ZNF385D: variants seen among roughly 807,000 people sequenced by gnomAD.
ZNF385D encodes zinc finger protein 659.
In ZNF385D, 15 loss-of-function variants were observed where a neutral mutation model predicts 35.8. The observed-to-expected ratio is 0.42, with a 90% CI of 0.28 to 0.64. The LOEUF (loss-of-function observed/expected upper bound fraction) is 0.64. Among genes scored for constraint, ZNF385D ranks in the 30% least tolerant of loss-of-function variants. The probability of loss-of-function intolerance (pLI) is 0.23; values close to 1 mark genes in which losing one functional copy is unlikely to be tolerated. For missense variants in ZNF385D, 474 were observed against 494.6 expected, an observed-to-expected ratio of 0.96 and a Z score of 0.39; for synonymous variants, 212 against 186.8, an observed-to-expected ratio of 1.13 and a Z score of -1.10.
intron 3 of ZNF385D, among the ~76,000 whole-genome samples, chr3:21,847,720 T>C (rs1432601280): frequency 2.0e-5 from 3 of 152,032 alleles, no homozygotes; most frequent in South Asian, 2.1e-4. Flanking sequence ...AATACCACCA[T>C]AGTCATGATA....
At chr3:21,977,771 G>C (rs1370358205) in intron 3 of ZNF385D, among the ~76,000 whole-genome samples, 2 of 152,094 alleles carry the variant, frequency 1.3e-5, no homozygotes, top group African/African-American at 4.8e-5. Flanking sequence ...AGCAATTGGA[G>C]GTTACGGTGG....
Position 21,421,242 on chromosome 3 carries a change from T to C in ZNF385D, c.1160A>G (p.His387Arg), listed in dbSNP as rs113211928. 2 of 1,614,104 alleles carry C rather than the reference T, an allele frequency of 1.2e-6. No individual in the cohort carries two copies. Among genetic ancestry groups the C allele is most frequent in the Non-Finnish European group, 1.7e-6 (2 of 1,180,020 alleles). ...RPAPGPIRTA[H>R]TPVLFAPY ...GTAAGGAGCAAACAGCACAGGAGTG[T>C]GGGCGGTCCGAATGGGTCCAGGAGC... is the stretch of plus-strand genomic sequence containing the variant. Residue 387 changes from histidine to arginine, a missense_variant, in exon 8 of 8, where the codon CAC (histidine) becomes CGC (arginine). Coordinates refer to ENST00000281523, the MANE Select transcript of ZNF385D (RefSeq NM_024697.3).
chr3:22,176,628 G>A (rs536469055), intron 2 of ZNF385D, among the ~76,000 whole-genome samples: 1 of 152,262 alleles, frequency 6.6e-6, no homozygotes, highest in East Asian at 1.9e-4. Flanking sequence ...GCCCAGAGTG[G>A]CAGAATGAGA....
At chr3:22,199,883 G>C (rs772289052) in intron 2 of ZNF385D, among the ~76,000 whole-genome samples, 2 of 151,890 alleles carry the variant, frequency 1.3e-5, no homozygotes, top group Admixed American at 6.6e-5. Flanking sequence ...TATAAAAAGA[G>C]ACCCAAACAA....
chr3:21,769,428 T>C (rs1244473683), intron 3 of ZNF385D, among the ~76,000 whole-genome samples: 1 of 123,242 alleles, frequency 8.1e-6, no homozygotes, highest in African/African-American at 3.3e-5. Flanking sequence ...ACATGCATTC[T>C]TATACACCAA....
chr3:21,713,065 G>A (rs1310866512), intron 1 of ZNF385D, among the ~76,000 whole-genome samples: 1 of 152,128 alleles, frequency 6.6e-6, no homozygotes, highest in Non-Finnish European at 1.5e-5. Flanking sequence ...GGCCATCCTT[G>A]GAGCCACTGA....
At chr3:21,752,085 T>C (rs1158051467), upstream of ZNF385D, among the ~76,000 whole-genome samples, 1 of 129,714 alleles carries the variant, frequency 7.7e-6, no homozygotes. Flanking sequence ...AGGCAAAGCT[T>C]AGCAAAGCCT....
intron 3 of ZNF385D, among the ~76,000 whole-genome samples, chr3:21,881,076 A>G (rs1055964151): frequency 1.3e-5 from 2 of 152,020 alleles, no homozygotes; most frequent in Non-Finnish European, 2.9e-5. Context: ...ACATAAAAAT[A>G]CAAGGTGAAG....
At chr3:22,125,197 G>T (rs1295287298) in intron 3 of ZNF385D, among the ~76,000 whole-genome samples, 1 of 152,000 alleles carries the variant, frequency 6.6e-6, no homozygotes, top group African/African-American at 2.4e-5. Context: ...TATGTTCTTG[G>T]CACCTTTGTT....
intron 3 of ZNF385D, among the ~76,000 whole-genome samples, chr3:21,889,094 A>G (rs761502551): frequency 3.3e-5 from 5 of 152,242 alleles, no homozygotes; most frequent in Non-Finnish European, 5.9e-5. Context: ...TAATAAGAAC[A>G]GTTTAGGGGA....
At chr3:21,673,699 A>G (rs73819947) in intron 1 of ZNF385D, among the ~76,000 whole-genome samples, 2,473 of 152,234 alleles carry the variant, frequency 0.016, 74 homozygotes, top group African/African-American at 0.056. Flanking sequence ...TAAAAAGTTA[A>G]TGATTAAGTA....
Position 22,321,164 on chromosome 3 carries a change from G to GTTT in ZNF385D, c.106+51283_106+51285dup. Among the ~76,000 whole-genome samples, 276 of 76,130 alleles carry GTTT rather than the reference G, an allele frequency of 3.6e-3. 14 individuals carry two copies. The East Asian group carries it at 0.076, about 21-fold the overall frequency. The allele number at this position is 76,130 out of a possible 152,430, so 49.9% of individuals were successfully genotyped here. On this transcript the variant is annotated intron_variant, in intron 2 of 5. Transcript: ENST00000494108. ...TGCTGATAGTAACACTTATGACCTT[G>GTTT]TTTTTTTTTTTTTTTTTTTTTCATT...
At position 21,776,779 on chromosome 3, in the gene ZNF385D, A is replaced by G. The variant is rs111925065; in HGVS notation, c.326-111751T>C. Among the ~76,000 whole-genome samples, 547 of 152,066 alleles carry G rather than the reference A, an allele frequency of 3.6e-3. 2 individuals carry two copies. Among genetic ancestry groups the G allele is most frequent in the Non-Finnish European group, 6.1e-3 (417 of 67,916 alleles). On this transcript the variant is annotated intron_variant, in intron 3 of 5. Coordinates refer to the ZNF385D transcript ENST00000494108. ...TTACAAATCATAATTACACAAAGCA[A>G]AAAGAAACATTATTCTTTACGGCTA...
At chr3:21,638,568 T>C (rs763697227) in intron 2 of ZNF385D, among the ~76,000 whole-genome samples, 15 of 152,122 alleles carry the variant, frequency 9.9e-5, no homozygotes, top group African/African-American at 3.6e-4. Context: ...GTGCCTGATA[T>C]GACATCTGTC....
chr3:21,762,331 A>G (rs1304188175), intron 3 of ZNF385D, among the ~76,000 whole-genome samples: 1 of 151,898 alleles, frequency 6.6e-6, no homozygotes, highest in African/African-American at 2.4e-5. Flanking sequence ...TACCAATACC[A>G]TTTCTCTATG....
intron 3 of ZNF385D, among the ~76,000 whole-genome samples, chr3:22,117,006 G>C (rs1247208509): frequency 6.6e-6 from 1 of 151,966 alleles, no homozygotes; most frequent in African/African-American, 2.4e-5. Context: ...AATAGCTTAG[G>C]AAAGTTAAAT....
chr3:21,476,715 T>C (rs999831535), intron 4 of ZNF385D, among the ~76,000 whole-genome samples: 2 of 152,130 alleles, frequency 1.3e-5, no homozygotes, highest in African/African-American at 4.8e-5. Flanking sequence ...ATAGAACCTT[T>C]CTCTTCTATT....
intron 2 of ZNF385D, among the ~76,000 whole-genome samples, chr3:22,270,020 T>C (rs77615363): frequency 1.3e-5 from 2 of 151,890 alleles, no homozygotes; most frequent in Admixed American, 1.3e-4. Flanking sequence ...CCTTGCCAAA[T>C]TGCAGACTCT....
chr3:22,066,494 A>T (rs200348123), intron 3 of ZNF385D, among the ~76,000 whole-genome samples: 1 of 32,574 alleles, frequency 3.1e-5, no homozygotes, highest in East Asian at 9.5e-4. Flanking sequence ...GTGTGTGTGT[A>T]TGTCTGTAAG....
Sources: allele counts gnomAD v4.1 joint callset (sites outside exome capture counted in the v4.1 genomes callset), GRCh38; gene constraint gnomAD v4.1.1; transcripts MANE v1.5; gene names NCBI Gene and HGNC (gene_info 2026-07-23, HGNC 2026-07-21).